The following CYP2A13 variants were observed in gnomAD, a reference collection of about 807,000 sequenced individuals.
CYP2A13 encodes cytochrome P450 family 2 subfamily A member 13.
A neutral mutation model predicts 39.4 loss-of-function variants in CYP2A13; 30 were observed. The observed-to-expected ratio is 0.76, with a 90% CI of 0.57 to 1.03. CYP2A13 has a LOEUF of 1.03. Among genes scored for constraint, CYP2A13 ranks in the 50% least tolerant of loss-of-function variants. CYP2A13 has a pLI of 0.00. For missense variants in CYP2A13, 731 were observed against 648.4 expected (o/e 1.13, Z -1.38); for synonymous variants, 269 against 254.7 (o/e 1.06, Z -0.54).
At chr19:41,089,838 CT>C (rs1568366667) in intron 2 of CYP2A13, among the ~76,000 whole-genome samples, 10 of 130,934 alleles carry the variant, frequency 7.6e-5, no homozygotes, top group South Asian at 2.6e-4. Context: ...CTCTCTCTCT[CT>C]CTCTCTCTCT....
chr19:41,095,412 TA>T (rs2031283009), intron 8 of CYP2A13, among the ~76,000 whole-genome samples: 1 of 151,932 alleles, frequency 6.6e-6, no homozygotes, highest in African/African-American at 2.4e-5. Context: ...ATCTGGGGGG[TA>T]GGGGCATCTA....
chr19:41,091,293 C>T (rs1016482302), intron 4 of CYP2A13, among the ~76,000 whole-genome samples: 1 of 152,158 alleles, frequency 6.6e-6, no homozygotes, highest in Non-Finnish European at 1.5e-5. Context: ...AACAAAAGCC[C>T]CCAATCCAGA....
At position 41,089,053 on chromosome 19, in the gene CYP2A13, G is replaced by T; in HGVS notation, c.305G>T (p.Gly102Val). ...VDQAEEFSGR[G>V]EQATFDWLFK... ...CAGGCTGAGGAGTTCAGCGGGCGAG[G>T]CGAGCAGGCCACCTTCGACTGGCTC... Residue 102 changes from glycine to valine, a missense_variant, in exon 2 of 9, where the codon GGC (glycine) becomes GTC (valine). Transcript: ENST00000330436. 1 of 1,613,082 alleles carries T rather than the reference G, an allele frequency of 6.2e-7. No individual in the cohort carries two copies.
rs778644278 is a variant in CYP2A13 at position 41,088,566 on chromosome 19, A to G, written c.95A>G (p.Lys32Arg). 1.5e-5 allele frequency: 25 copies of G among 1,613,876 alleles called. No individual in the cohort carries two copies. In the Admixed American group the frequency reaches 4.2e-4, roughly 27 times the overall value. ...TGGCGGCAGAGGAAGAGCAGGGGGAAGCTGCCTCCGGGACCCACCCCATTG... is the reference window on the plus strand; with the variant it reads ...TGGCGGCAGAGGAAGAGCAGGGGGAGGCTGCCTCCGGGACCCACCCCATTG... The part of the protein sequence containing the change: ...SVWRQRKSRG[K>R]LPPGPTPLPF... The change falls in exon 1 of 9, where the codon AAG (lysine) becomes AGG (arginine). Residue 32 changes from lysine to arginine, a missense_variant. Physicochemically the swap from Lys to Arg is conservative, Grantham distance 26 (BLOSUM62 2). Coordinates refer to ENST00000330436, the MANE Select transcript of CYP2A13 (RefSeq NM_000766.5).
intron 1 of CYP2A13, 38 bp from the exon 2 acceptor site, chr19:41,088,891 G>T: frequency 6.2e-7 from 1 of 1,611,186 alleles, no homozygotes. Flanking sequence ...TCAGAGTGGG[G>T]GCTGCTCCCT....
At position 41,090,152 on chromosome 19, in the gene CYP2A13, A is replaced by G. The variant is rs1192836664; in HGVS notation, c.449A>G (p.Gln150Arg). Residue 150 changes from glutamine (Q) to arginine (R), a missense_variant, in exon 3 of 9, where the codon CAG becomes CGG. Transcript: ENST00000330436. ...AAGCGCGGCATCGAGGAACGCATCC[A>G]GGAGGAGGCGGGCTTCCTCATCGAC... ...VGKRGIEERI[Q>R]EEAGFLIDAL... 1 of 1,597,866 alleles carries G rather than the reference A, an allele frequency of 6.3e-7. No homozygotes were observed. The highest frequency in any genetic ancestry group is 1.7e-4 in the Middle Eastern group (1 of 5,968).
chr19:41,089,867 T>G (rs879307411), intron 2 of CYP2A13, among the ~76,000 whole-genome samples, 180 bp from the exon 3 acceptor site: 6,129 of 110,490 alleles, frequency 0.055, 515 homozygotes, highest in Admixed American at 0.14. Context: ...TCTCTCTCTC[T>G]CTCTCGTGCT....
intron 2 of CYP2A13, 59 bp from the exon 3 acceptor site, chr19:41,089,988 G>A (rs149323050): frequency 8.5e-6 from 13 of 1,531,104 alleles, no homozygotes; most frequent in South Asian, 1.3e-5. Context: ...CTTGGAGCTG[G>A]TCCGCTCCTG....
In CYP2A13 at chr19:41,089,844, C is replaced by CG. The variant is rs1353316133; in HGVS notation, c.344-203_344-202insG. Reference sequence around the variant, plus strand: ...TCTCTCTCTCTCTCTCTCTCTCTCTCTCTCTCTCTCTCTCTCTCTCTCTCT... The same window carrying CG: ...TCTCTCTCTCTCTCTCTCTCTCTCTCGTCTCTCTCTCTCTCTCTCTCTCTCT... On this transcript the variant is annotated intron_variant, in intron 2 of 8. Coordinates refer to ENST00000330436, the MANE Select transcript of CYP2A13 (RefSeq NM_000766.5). Among the ~76,000 whole-genome samples the CG allele has an allele frequency of 5.0e-4, 63 of 126,870 alleles. 3 individuals are homozygous for CG. The highest frequency in any genetic ancestry group is 1.5e-3 in the Admixed American group (16 of 10,756). 83.2% of individuals were successfully genotyped at this position (126,870 alleles called of 152,430 possible). A position where few individuals can be genotyped will look rare whatever the true frequency, so the allele number is the denominator to read the frequency against.
At chr19:41,088,812 C>T in intron 1 of CYP2A13, 117 bp from the exon 2 acceptor site, 2 of 1,546,900 alleles carry the variant, frequency 1.3e-6, no homozygotes, top group South Asian at 2.5e-5. Context: ...CTTGGGATGT[C>T]CAGCTCCCTG....
At chr19:41,089,804 G>GTCTCTCTC in intron 2 of CYP2A13, among the ~76,000 whole-genome samples, 2 of 26,580 alleles carry the variant, frequency 7.5e-5, no homozygotes, top group South Asian at 1.2e-3. Flanking sequence ...TTTCTACCCG[G>GTCTCTCTC]TCTCTCTCTC....
chr19:41,093,286 C>G (rs543227056), intron 5 of CYP2A13, among the ~76,000 whole-genome samples: 1 of 151,850 alleles, frequency 6.6e-6, no homozygotes, highest in Non-Finnish European at 1.5e-5. Context: ...TCCAGCTACT[C>G]AGGAGGCTGA....
At chr19:41,092,055 C>T in intron 5 of CYP2A13, 147 bp downstream of exon 5, 4 of 1,278,450 alleles carry the variant, frequency 3.1e-6, no homozygotes, top group Non-Finnish European at 4.2e-6. Context: ...TGGCTCATGA[C>T]CTGTAATCCC....
intron 8 of CYP2A13, 100 bp from the exon 9 acceptor site, chr19:41,095,660 T>C: frequency 6.8e-7 from 1 of 1,470,572 alleles, no homozygotes; most frequent in East Asian, 2.3e-5. Flanking sequence ...GCCATAATAT[T>C]CCACCCCTCC....
chr19:41,093,684 C>T lies in CYP2A13; in HGVS notation c.886C>T (p.Leu296=), dbSNP rs1399658836. ...FYLKNLVMTT[L]NLFFAGTETV... The stretch of plus-strand genomic sequence containing the variant: ...CTTGAAGAACCTGGTGATGACCACC[C>T]TGAACCTCTTCTTTGCGGGCACTGA... Residue 296 remains leucine (L), a synonymous_variant, in exon 6 of 9, where the codon CTG becomes TTG. Coordinates refer to ENST00000330436, the MANE Select transcript of CYP2A13 (RefSeq NM_000766.5). 6.2e-6 allele frequency: 10 copies of T among 1,614,136 alleles called. No homozygotes were observed. The highest frequency in any genetic ancestry group is 1.7e-5 in the Admixed American group (1 of 60,020).
chr19:41,089,863 TCTCTCTCTCG>T (rs2031139824), intron 2 of CYP2A13, among the ~76,000 whole-genome samples, 174 bp from the exon 3 acceptor site: 2 of 102,886 alleles, frequency 1.9e-5, no homozygotes, highest in African/African-American at 7.6e-5. Context: ...TCTCTCTCTC[TCTCTCTCTCG>T]TGCTCTCGTG....
chr19:41,091,700 CT>C (rs1337011650), intron 4 of CYP2A13, 31 bp from the exon 5 acceptor site: 11 of 1,610,716 alleles, frequency 6.8e-6, no homozygotes, highest in Non-Finnish European at 9.3e-6. Context: ...GACAGCTGTC[CT>C]TCCCTTCCCA....
chr19:41,092,387 T>G (rs1444341706), intron 5 of CYP2A13, among the ~76,000 whole-genome samples: 1 of 148,744 alleles, frequency 6.7e-6, no homozygotes, highest in African/African-American at 2.5e-5. Flanking sequence ...TTCCATCTAC[T>G]GAGCCCTCAC....
rs1263031978 is a variant in CYP2A13, at chr19:41,090,532, A to G, written c.622A>G (p.Ser208Gly). The part of the protein sequence containing the change: ...FLSLLRMMLG[S>G]FQFTATSTGQ... ...GTCACTGTTGCGCATGATGCTGGGA[A>G]GCTTCCAGTTCACGGCAACCTCCAC... Residue 208 changes from serine to glycine, a missense_variant, in exon 4 of 9, where the codon AGC becomes GGC. Ser to Gly is a moderately conservative substitution (Grantham distance 56). Coordinates refer to ENST00000330436, the MANE Select transcript of CYP2A13 (RefSeq NM_000766.5). 1.2e-6 allele frequency: 2 copies of G among 1,614,098 alleles called. No individual in the cohort carries two copies. Among genetic ancestry groups the G allele is most frequent in the East Asian group, 2.2e-5 (1 of 44,866 alleles).
Sources: gnomAD v4.1 joint callset for allele counts (sites outside exome capture counted in the v4.1 genomes callset) on GRCh38, gnomAD v4.1.1 for gene constraint, MANE v1.5 for transcripts, NCBI Gene and HGNC (gene_info 2026-07-23, HGNC 2026-07-21) for gene names.